Variants in FAM53B observed in about 807,000 individuals in gnomAD.
The protein encoded by FAM53B is protein FAM53B.
In FAM53B, 12 loss-of-function variants were observed where a neutral mutation model predicts 32.7. The observed-to-expected ratio is 0.37, with a 90% CI of 0.24 to 0.59. The LOEUF (loss-of-function observed/expected upper bound fraction) is 0.59. Ranked by LOEUF, FAM53B falls within the 20% of genes least tolerant of loss-of-function variation. FAM53B has a pLI of 0.72. For synonymous variants in FAM53B, 234 were observed against 228.7 expected (o/e 1.02, Z -0.21); for missense variants, 477 against 577.7 (o/e 0.83, Z 1.79).
At chr10:124,637,238 A>T (rs947745115) in intron 4 of FAM53B, among the ~76,000 whole-genome samples, 1 of 152,136 alleles carries the variant, frequency 6.6e-6, no homozygotes, top group Admixed American at 6.5e-5. Context: ...TGGGCCTCAC[A>T]GGGTCCGCAG....
At chr10:124,627,492 C>G (rs1467003834) in intron 4 of FAM53B, among the ~76,000 whole-genome samples, 14 of 152,222 alleles carry the variant, frequency 9.2e-5, no homozygotes. Flanking sequence ...ACCAACTGTC[C>G]CCCAGCCCGT....
chr10:124,672,287 C>T (rs1949711531), intron 4 of FAM53B, among the ~76,000 whole-genome samples: 1 of 152,278 alleles, frequency 6.6e-6, no homozygotes, highest in Admixed American at 6.5e-5. Context: ...TTTGTGCTTC[C>T]TGCTCTGGCC....
At position 124,723,839 on chromosome 10, in the gene FAM53B, G is replaced by A. The variant is rs548966079; in HGVS notation, c.-174-16952C>T. On this transcript the variant is annotated intron_variant, in intron 1 of 4. Transcript: ENST00000337318. ...TGGGAAGATTATATACACATGTGAC[G>A]CTGCGCTCCTTAGAACAGACTTTTA... 7.5e-4 allele frequency among the ~76,000 whole-genome samples: 114 copies of A among 152,318 alleles called. 3 individuals are homozygous for A. The South Asian group carries it at 0.023, about 30-fold the overall frequency.
At chr10:124,633,247 A>G (rs1170704111) in intron 4 of FAM53B, among the ~76,000 whole-genome samples, 6 of 9,628 alleles carry the variant, frequency 6.2e-4, no homozygotes, top group South Asian at 7.5e-3. Context: ...AAATTGATAG[A>G]AAAAAAAAAA....
intron 4 of FAM53B, among the ~76,000 whole-genome samples, chr10:124,657,162 GTA>G (rs1329378044): frequency 2.2e-3 from 135 of 62,222 alleles, no homozygotes; most frequent in African/African-American, 4.4e-3. Flanking sequence ...ATATATGTGT[GTA>G]TATATATATG....
chr10:124,679,736 G>A (rs904183471), intron 4 of FAM53B, among the ~76,000 whole-genome samples: 7 of 152,224 alleles, frequency 4.6e-5, no homozygotes, highest in African/African-American at 7.2e-5. Flanking sequence ...CTCAGGCTCC[G>A]CACACCTTCC....
chr10:124,680,768 G>A (rs1188143316), intron 4 of FAM53B, among the ~76,000 whole-genome samples: 2 of 152,100 alleles, frequency 1.3e-5, no homozygotes, highest in African/African-American at 2.4e-5. Flanking sequence ...TTAAGCAACC[G>A]ATGGCCTCCT....
chr10:124,668,965 T>G (rs535599324), intron 4 of FAM53B, among the ~76,000 whole-genome samples: 2 of 152,326 alleles, frequency 1.3e-5, no homozygotes, highest in Admixed American at 1.3e-4. Context: ...GTGGAGGGCA[T>G]CCGGTGCTGC....
intron 1 of FAM53B, among the ~76,000 whole-genome samples, chr10:124,743,271 T>C (rs926009713): frequency 6.6e-6 from 1 of 152,212 alleles, no homozygotes; most frequent in Non-Finnish European, 1.5e-5. Context: ...GCGGGGAACC[T>C]GACTCCCACG....
intron 1 of FAM53B, among the ~76,000 whole-genome samples, chr10:124,717,424 A>T (rs1038663928): frequency 1.3e-5 from 2 of 152,262 alleles, no homozygotes; most frequent in Non-Finnish European, 2.9e-5. Flanking sequence ...TAAGCTGATG[A>T]TGCCTGTCCT....
chr10:124,628,395 G>A (rs1356464394), intron 4 of FAM53B, among the ~76,000 whole-genome samples: 2 of 152,156 alleles, frequency 1.3e-5, no homozygotes, highest in African/African-American at 2.4e-5. Flanking sequence ...AGGAGGCTGC[G>A]GTATTCTCAC....
At chr10:124,674,947 C>T (rs968171363) in intron 4 of FAM53B, among the ~76,000 whole-genome samples, 6 of 152,172 alleles carry the variant, frequency 3.9e-5, no homozygotes, top group African/African-American at 1.2e-4. Flanking sequence ...TTCAGAGAGC[C>T]GGGGCCTCCC....
At chr10:124,738,957 T>C (rs1377250727) in intron 1 of FAM53B, among the ~76,000 whole-genome samples, 2 of 151,506 alleles carry the variant, frequency 1.3e-5, no homozygotes, top group Non-Finnish European at 1.5e-5. Flanking sequence ...TTTCTGAGAT[T>C]GAAGCAAAAC....
chr10:124,731,985 G>A (rs898118129), intron 1 of FAM53B, among the ~76,000 whole-genome samples: 2 of 152,104 alleles, frequency 1.3e-5, no homozygotes, highest in Admixed American at 6.5e-5. Flanking sequence ...ATCTCCTCCT[G>A]CCTATCTCCT....
At chr10:124,637,669 T>G (rs1228415076) in intron 4 of FAM53B, among the ~76,000 whole-genome samples, 1 of 152,100 alleles carries the variant, frequency 6.6e-6, no homozygotes, top group Non-Finnish European at 1.5e-5. Context: ...AGCAAACACC[T>G]CACTCCAGGG....
chr10:124,663,953 C>T (rs1435679972), intron 4 of FAM53B, among the ~76,000 whole-genome samples: 3 of 152,084 alleles, frequency 2.0e-5, no homozygotes, highest in Non-Finnish European at 4.4e-5. Context: ...CCTCCCTGTT[C>T]GTCAGTGTAC....
At chr10:124,705,626 G>A (rs1949951288) in intron 2 of FAM53B, 1 of 152,322 alleles carries the variant, frequency 6.6e-6, no homozygotes, top group Admixed American at 6.5e-5. Flanking sequence ...AGGAGTACAG[G>A]GCCTGGCTCC....
chr10:124,723,551 C>A (rs534829545), intron 1 of FAM53B, among the ~76,000 whole-genome samples: 1 of 152,318 alleles, frequency 6.6e-6, no homozygotes, highest in African/African-American at 2.4e-5. Flanking sequence ...TTTCTGTGGG[C>A]GGGAGGGTGG....
chr10:124,637,572 T>C (rs1346493853), intron 4 of FAM53B, among the ~76,000 whole-genome samples: 3 of 152,174 alleles, frequency 2.0e-5, no homozygotes, highest in African/African-American at 7.2e-5. Context: ...CCAATGGGCA[T>C]GTCCCTGCTG....
Sources: allele counts gnomAD v4.1 joint callset (sites outside exome capture counted in the v4.1 genomes callset), GRCh38; gene constraint gnomAD v4.1.1; transcripts MANE v1.5; gene names NCBI Gene and HGNC (gene_info 2026-07-23, HGNC 2026-07-21).